The following SASH1 variants were observed in gnomAD, a reference collection of about 807,000 sequenced individuals.
The protein encoded by SASH1 is SAM and SH3 domain-containing protein 1.
In SASH1, 44 loss-of-function variants were observed where a neutral mutation model predicts 125.2. The observed-to-expected ratio is 0.35, with a 90% CI of 0.28 to 0.45. SASH1 has a LOEUF of 0.45. Ranked by LOEUF, SASH1 falls within the 20% of genes least tolerant of loss-of-function variation. SASH1 has a pLI of 1.00. For synonymous variants in SASH1, 639 were observed against 649.1 expected (o/e 0.98, Z 0.24); for missense variants, 1,426 against 1,614.5 (o/e 0.88, Z 2.00).
At chr6:148,351,202 T>TG (rs1562342445) in intron 1 of SASH1, among the ~76,000 whole-genome samples, 2 of 151,216 alleles carry the variant, frequency 1.3e-5, no homozygotes, top group African/African-American at 4.9e-5. Flanking sequence ...TTTTTTTTTT[T>TG]TTTTTTTTTT....
chr6:148,546,230 G>C, intron 19 of SASH1, 84 bp downstream of exon 19: 1 of 1,500,384 alleles, frequency 6.7e-7, no homozygotes. Flanking sequence ...CTGCCAAGTA[G>C]GCAAGGGCTT....
chr6:148,263,526 A>C, the SASH1 span, among the ~76,000 whole-genome samples: 1 of 152,238 alleles, frequency 6.6e-6, no homozygotes, highest in Non-Finnish European at 1.5e-5. Flanking sequence ...CAGCCCAGAA[A>C]GTCAGCCCAG....
chr6:148,328,660 AT>A (rs1431406781), intron 1 of SASH1, among the ~76,000 whole-genome samples: 2 of 151,904 alleles, frequency 1.3e-5, no homozygotes, highest in African/African-American at 4.8e-5. Context: ...TCCTGCTCCC[AT>A]TTCTCAGCAC....
intron 1 of SASH1, among the ~76,000 whole-genome samples, chr6:148,352,560 G>A (rs571189901): frequency 6.6e-6 from 1 of 151,514 alleles, no homozygotes; most frequent in Non-Finnish European, 1.5e-5. Flanking sequence ...TCACACCACC[G>A]TACTCCAGCC....
At chr6:148,418,335 G>A (rs1302313631) in intron 2 of SASH1, among the ~76,000 whole-genome samples, 1 of 152,176 alleles carries the variant, frequency 6.6e-6, no homozygotes, top group African/African-American at 2.4e-5. Context: ...AAGGACAAAT[G>A]GCAGTCTACG....
chr6:148,430,366 C>T (rs982790851), intron 2 of SASH1, among the ~76,000 whole-genome samples: 1 of 152,232 alleles, frequency 6.6e-6, no homozygotes, highest in Non-Finnish European at 1.5e-5. Flanking sequence ...GAGTCTCGCT[C>T]TGTCACCCAG....
Position 148,285,669 on chromosome 6 carries a change from G to A in SASH1, n.74+13292G>A, listed in dbSNP as rs192343297. ...CCTACAGGTAATTCCAGTAGAAGAT[G>A]TTTCTCCCCTTTCTTTACTTTTCAA... On this transcript the variant is annotated intron_variant and non_coding_transcript_variant, in intron 1 of 3. Coordinates refer to the SASH1 transcript ENST00000367469. Among the ~76,000 whole-genome samples the A allele has an allele frequency of 4.8e-4, 73 of 152,116 alleles. No individual in the cohort carries two copies. The East Asian group carries it at 0.011, about 22-fold the overall frequency.
chr6:148,391,112 CTTT>C (rs1394140807), intron 2 of SASH1, among the ~76,000 whole-genome samples: 3 of 143,422 alleles, frequency 2.1e-5, no homozygotes, highest in Admixed American at 7.0e-5. Flanking sequence ...TAAAGACACT[CTTT>C]TTTTTTTTTT....
chr6:148,338,701 C>T (rs1393281362), upstream of SASH1, among the ~76,000 whole-genome samples: 1 of 151,962 alleles, frequency 6.6e-6, no homozygotes, highest in African/African-American at 2.4e-5. Context: ...GAAAGGACAA[C>T]TTTGTTAAAA....
chr6:148,249,173 T>A, the SASH1 span, among the ~76,000 whole-genome samples: 1 of 152,250 alleles, frequency 6.6e-6, no homozygotes, highest in Non-Finnish European at 1.5e-5. Context: ...TTTACATTTT[T>A]TACTTATTGT....
chr6:148,221,420 G>T, the SASH1 span, among the ~76,000 whole-genome samples: 1 of 152,196 alleles, frequency 6.6e-6, no homozygotes, highest in Non-Finnish European at 1.5e-5. Flanking sequence ...ATAGCTGTAT[G>T]CAAGGAAGTG....
intron 19 of SASH1, 33 bp from the exon 20 acceptor site, chr6:148,548,262 C>T (rs1562507995): frequency 1.3e-6 from 2 of 1,576,254 alleles, no homozygotes; most frequent in Non-Finnish European, 1.7e-6. Context: ...ACACATGGAG[C>T]GTTTCTATCA....
chr6:148,288,111 C>T (rs895977188), intron 1 of SASH1, among the ~76,000 whole-genome samples: 3 of 152,332 alleles, frequency 2.0e-5, no homozygotes, highest in Admixed American at 1.3e-4. Flanking sequence ...CTATGGCTGT[C>T]GGCTTTTGCA....
chr6:148,447,533 G>T (rs138613092), intron 4 of SASH1, among the ~76,000 whole-genome samples: 1 of 152,216 alleles, frequency 6.6e-6, no homozygotes, highest in East Asian at 1.9e-4. Flanking sequence ...ACACATGCCT[G>T]TTGCAGTCCC....
intron 2 of SASH1, among the ~76,000 whole-genome samples, chr6:148,438,435 T>C (rs1297948473): frequency 1.3e-5 from 2 of 152,170 alleles, no homozygotes; most frequent in Non-Finnish European, 2.9e-5. Context: ...ACTCAAAACA[T>C]TGTCCATATA....
chr6:148,242,088 C>T, the SASH1 span, among the ~76,000 whole-genome samples: 6,179 of 152,240 alleles, frequency 0.041, 190 homozygotes, highest in East Asian at 0.15. Flanking sequence ...TTTCCACACA[C>T]GGACATCGTA....
chr6:148,333,664 C>T (rs1182652080), intron 1 of SASH1, among the ~76,000 whole-genome samples: 1 of 151,924 alleles, frequency 6.6e-6, no homozygotes, highest in South Asian at 2.1e-4. Context: ...CGGGTTTAAG[C>T]GATTCTCCTG....
the SASH1 span, among the ~76,000 whole-genome samples, chr6:148,222,507 AGCT>A: frequency 6.6e-6 from 1 of 151,974 alleles, no homozygotes; most frequent in African/African-American, 2.4e-5. Flanking sequence ...TGCCCCATAG[AGCT>A]GCTGAGATTT....
intron 4 of SASH1, among the ~76,000 whole-genome samples, chr6:148,441,021 A>G (rs886404025): frequency 6.6e-6 from 1 of 152,254 alleles, no homozygotes; most frequent in Non-Finnish European, 1.5e-5. Context: ...CATAAATAAG[A>G]CAAAAACAAG....
Sources: gnomAD v4.1 joint callset for allele counts (sites outside exome capture counted in the v4.1 genomes callset) on GRCh38, gnomAD v4.1.1 for gene constraint, MANE v1.5 for transcripts, NCBI Gene and HGNC (gene_info 2026-07-23, HGNC 2026-07-21) for gene names.